The following NAA35 variants were observed in gnomAD, a reference collection of about 807,000 sequenced individuals.
The protein encoded by NAA35 is MAK10 homolog, amino-acid N-acetyltransferase subunit.
A neutral mutation model predicts 101.7 loss-of-function variants in NAA35; 18 were observed. The ratio of observed to expected loss-of-function variants is 0.18; its 90% CI spans 0.12 to 0.26. The LOEUF (loss-of-function observed/expected upper bound fraction) is 0.26, where lower values mean the gene tolerates loss of function less well. Among genes scored for constraint, NAA35 ranks in the 10% least tolerant of loss-of-function variants. The probability of loss-of-function intolerance (pLI) is 1.00; values close to 1 mark genes in which losing one functional copy is unlikely to be tolerated. For synonymous variants in NAA35, 267 were observed against 273.1 expected, an observed-to-expected ratio of 0.98 and a Z score of 0.22; for missense variants, 601 against 886.8, an observed-to-expected ratio of 0.68 and a Z score of 4.09.
chr9:86,000,143 A>G (rs1292733481), intron 12 of NAA35, among the ~76,000 whole-genome samples: 1 of 152,156 alleles, frequency 6.6e-6, no homozygotes, highest in Non-Finnish European at 1.5e-5. Context: ...TTCTGCATCT[A>G]TTGAGATAAT....
rs1188773112 is a variant in NAA35 at position 85,955,183 on chromosome 9, AT to A, written c.125-1173del. ...CCACTAACTTCAGCCTTATTGGTGT[AT>A]TTTCACACATGATTCTTATCTGTTT... On this transcript the variant is annotated intron_variant, in intron 2 of 22. Transcript: ENST00000361671. Among the ~76,000 whole-genome samples, 4 of 151,182 alleles carry A rather than the reference AT, an allele frequency of 2.6e-5. No homozygotes were observed. The East Asian group carries it at 5.9e-4, about 22-fold the overall frequency.
intron 6 of NAA35, among the ~76,000 whole-genome samples, chr9:85,966,062 C>T (rs1798850782): frequency 6.6e-6 from 1 of 152,138 alleles, no homozygotes; most frequent in Non-Finnish European, 1.5e-5. Context: ...TCTCAAGCCT[C>T]CCGAGTAGCT....
At chr9:85,978,521 C>G in intron 11 of NAA35, 140 bp downstream of exon 11, 1 of 597,222 alleles carries the variant, frequency 1.7e-6, no homozygotes, top group Non-Finnish European at 3.0e-6. Context: ...TGTTTAGGCT[C>G]TTCTCTGTAA....
chr9:85,971,883 A>T lies in NAA35; in HGVS notation c.517-3084A>T, dbSNP rs145112050. 1.5e-3 allele frequency among the ~76,000 whole-genome samples: 231 copies of T among 151,312 alleles called. 1 individual carries two copies. Among genetic ancestry groups the T allele is most frequent in the African/African-American group, 3.4e-3 (142 of 41,188 alleles). On this transcript the variant is annotated intron_variant, in intron 6 of 22. Transcript: ENST00000361671. ...ACTTCTTACTCTCCCCACTGTTGCA[A>T]TCCCAATCCAAGTCATCATCAGCCC...
Position 85,965,688 on chromosome 9 carries a change from A to T in NAA35, c.516+3508A>T, listed in dbSNP as rs142246174. The stretch of plus-strand genomic sequence containing the variant: ...TCAATTAAAAAAAAATTGGAAAAAA[A>T]ATGAGATTGATTTATGTGTAGAGAT... On this transcript the variant is annotated intron_variant, in intron 6 of 22. Transcript: ENST00000361671. Among the ~76,000 whole-genome samples the T allele has an allele frequency of 2.0e-3, 310 of 152,274 alleles. 1 individual carries two copies. Among genetic ancestry groups the T allele is most frequent in the African/African-American group, 7.1e-3 (297 of 41,558 alleles).
Position 85,968,821 on chromosome 9 carries a change from A to G in NAA35, c.517-6146A>G, listed in dbSNP as rs555499673. On this transcript the variant is annotated intron_variant, in intron 6 of 22. Transcript: ENST00000361671. ...CTGGTTAAATCATTATGGAGCATCAATGTTGTTGTGATTGTATAAATATTA... is the reference window on the plus strand; with the variant it reads ...CTGGTTAAATCATTATGGAGCATCAGTGTTGTTGTGATTGTATAAATATTA... Among the ~76,000 whole-genome samples the G allele has an allele frequency of 7.7e-4, 117 of 152,282 alleles. 1 individual carries two copies. The highest frequency in any genetic ancestry group is 2.7e-3 in the African/African-American group (111 of 41,556).
At chr9:85,949,795 A>G (rs1057379478) in intron 2 of NAA35, among the ~76,000 whole-genome samples, 1 of 151,994 alleles carries the variant, frequency 6.6e-6, no homozygotes, top group Admixed American at 6.6e-5. Flanking sequence ...CTTTAACTTA[A>G]AAGTAGAAGT....
intron 21 of NAA35, among the ~76,000 whole-genome samples, 176 bp from the exon 22 acceptor site, chr9:86,020,713 C>T (rs1162458888): frequency 2.6e-5 from 4 of 152,096 alleles, no homozygotes; most frequent in East Asian, 3.9e-4. Context: ...TGTGGTGGTG[C>T]ACAGCCATTT....
intron 2 of NAA35, among the ~76,000 whole-genome samples, chr9:85,945,122 C>G (rs997940086): frequency 2.0e-5 from 3 of 152,076 alleles, no homozygotes; most frequent in African/African-American, 7.2e-5. Flanking sequence ...TGTGAAGGAA[C>G]CTTGAGTGGG....
At position 86,024,921 on chromosome 9, in the gene NAA35, G is replaced by C. The variant is rs1832718957; in HGVS notation, c.*2961G>C. On this transcript the variant is annotated 3_prime_UTR_variant, in exon 23 of 23. Coordinates refer to ENST00000361671, the MANE Select transcript of NAA35 (RefSeq NM_024635.4). Reference sequence around the variant, plus strand: ...TGCTCAGGGAGCTCCTAGAGTAAGGGACTGAGATAGGTCCCAAGGAATAGA... The same window carrying C: ...TGCTCAGGGAGCTCCTAGAGTAAGGCACTGAGATAGGTCCCAAGGAATAGA... 6.6e-6 allele frequency among the ~76,000 whole-genome samples: 1 copy of C among 152,136 alleles called. No homozygotes were observed. Among genetic ancestry groups the C allele is most frequent in the African/African-American group, 2.4e-5 (1 of 41,408 alleles).
intron 6 of NAA35, among the ~76,000 whole-genome samples, chr9:85,968,745 A>G (rs1174366071): frequency 6.6e-6 from 1 of 152,206 alleles, no homozygotes; most frequent in Non-Finnish European, 1.5e-5. Context: ...AGATTAGATC[A>G]GAATATATCA....
intron 6 of NAA35, among the ~76,000 whole-genome samples, chr9:85,964,663 T>A (rs1829668027): frequency 6.6e-6 from 1 of 152,268 alleles, no homozygotes; most frequent in Non-Finnish European, 1.5e-5. Flanking sequence ...TTTTCATTTC[T>A]TAATAGGCTA....
chr9:86,025,143 T>C lies in NAA35; in HGVS notation c.*3183T>C, dbSNP rs1832730350. ...AAAAGTTCAGGAGAGGTGGGTGTTT[T>C]CCTTGTTCCTCTTTGGCTATGCTCT... On this transcript the variant is annotated 3_prime_UTR_variant, in exon 23 of 23. Coordinates refer to ENST00000361671, the MANE Select transcript of NAA35 (RefSeq NM_024635.4). Among the ~76,000 whole-genome samples the C allele has an allele frequency of 6.6e-6, 1 of 152,222 alleles. No individual in the cohort carries two copies. The highest frequency in any genetic ancestry group is 1.5e-5 in the Non-Finnish European group (1 of 68,036).
chr9:85,997,762 G>T (rs1831229842), intron 12 of NAA35, among the ~76,000 whole-genome samples: 1 of 152,220 alleles, frequency 6.6e-6, no homozygotes, highest in Non-Finnish European at 1.5e-5. Context: ...AGGATTATAG[G>T]CATGGGCCAG....
chr9:85,958,519 A>G lies in NAA35; in HGVS notation c.206A>G (p.Lys69Arg). 1 of 1,611,854 alleles carries G rather than the reference A, an allele frequency of 6.2e-7. No homozygotes were observed. The highest frequency in any genetic ancestry group is 8.5e-7 in the Non-Finnish European group (1 of 1,178,754). The change falls in exon 4 of 23, where the codon AAG (lysine) becomes AGG (arginine). Residue 69 changes from lysine to arginine, a missense_variant. Coordinates refer to ENST00000361671, the MANE Select transcript of NAA35 (RefSeq NM_024635.4). ...TCTGCTATTGAAATGATGGATCCCA[A>G]GATGGATGCTGGCATGATTGGAAAC... ...AMSAIEMMDP[K>R]MDAGMIGNQV...
intron 2 of NAA35, among the ~76,000 whole-genome samples, chr9:85,948,373 A>G (rs1219934846): frequency 6.6e-6 from 1 of 152,184 alleles, no homozygotes; most frequent in Non-Finnish European, 1.5e-5. Context: ...TCTCCTTAAG[A>G]CATTCAGACT....
chr9:85,942,099 A>T, intron 1 of NAA35, 56 bp from the exon 2 acceptor site: 1 of 1,578,988 alleles, frequency 6.3e-7, no homozygotes, highest in Non-Finnish European at 8.6e-7. Context: ...CATTTCTGCA[A>T]ATACTCTTGC....
intron 11 of NAA35, among the ~76,000 whole-genome samples, chr9:85,990,650 T>A (rs1209971876): frequency 6.6e-6 from 1 of 152,226 alleles, no homozygotes; most frequent in Admixed American, 6.5e-5. Context: ...TGATTCTTGC[T>A]CTTCTTTCCT....
chr9:85,977,839 A>G (rs1830276881), intron 10 of NAA35, among the ~76,000 whole-genome samples: 1 of 152,160 alleles, frequency 6.6e-6, no homozygotes, highest in African/African-American at 2.4e-5. Context: ...CACTAATTCA[A>G]GTCAATTACA....
Sources: allele counts gnomAD v4.1 joint callset (sites outside exome capture counted in the v4.1 genomes callset), GRCh38; gene constraint gnomAD v4.1.1; transcripts MANE v1.5; gene names NCBI Gene and HGNC (gene_info 2026-07-23, HGNC 2026-07-21).